Variants in GCFC2 observed in about 807,000 individuals in gnomAD.
GCFC2 encodes the protein intron Large complex component GCFC2.
GCFC2 carries 102 observed loss-of-function variants against 99.4 expected under a neutral mutation model. That is an observed-to-expected ratio of 1.03 (90% CI 0.87 to 1.21). The LOEUF is 1.21. GCFC2 is among the 50% of genes most tolerant of loss of function. The pLI is 0.00. For missense variants in GCFC2, 973 were observed against 920.9 expected (o/e 1.06, Z -0.73); for synonymous variants, 338 against 316.8 (o/e 1.07, Z -0.71).
rs146928795 is a variant in GCFC2, at chr2:75,702,193, C to A, written c.619+6G>T. ...TCCTAATCTTCATATATTGGTAAATCCATACTTGATTCCTCAGCCATCCTT... is the reference window on the plus strand; with the variant it reads ...TCCTAATCTTCATATATTGGTAAATACATACTTGATTCCTCAGCCATCCTT... On this transcript the variant is annotated splice_donor_region_variant and intron_variant, in intron 3 of 16. Coordinates refer to ENST00000321027, the MANE Select transcript of GCFC2 (RefSeq NM_003203.5). The A allele has an allele frequency of 2.2e-5, 35 of 1,599,472 alleles. No homozygotes were observed. The East Asian group carries it at 6.5e-4, about 30-fold the overall frequency.
At chr2:75,684,427 C>T (rs1679724726) in intron 11 of GCFC2, among the ~76,000 whole-genome samples, 1 of 152,158 alleles carries the variant, frequency 6.6e-6, no homozygotes, top group South Asian at 2.1e-4. Flanking sequence ...TTCTTTGAAA[C>T]CATGAGAACA....
At chr2:75,706,976 T>C (rs1680900611) in intron 1 of GCFC2, among the ~76,000 whole-genome samples, 1 of 152,054 alleles carries the variant, frequency 6.6e-6, no homozygotes. Context: ...TGTGAATAAG[T>C]AGAAAAGAAA....
At position 75,710,856 on chromosome 2, in the gene GCFC2, G is replaced by A. The variant is rs774634087; in HGVS notation, c.-1C>T. The A allele has an allele frequency of 1.9e-6, 3 of 1,548,892 alleles. No individual in the cohort carries two copies. The highest frequency in any genetic ancestry group is 1.4e-5 in the African/African-American group (1 of 70,072). ...AAGTCCTTTTCGGCCTGTGAGCCATGGCCGAGGCCCGAGCGCCCGGCGCCC... is the reference window on the plus strand; with the variant it reads ...AAGTCCTTTTCGGCCTGTGAGCCATAGCCGAGGCCCGAGCGCCCGGCGCCC... On this transcript the variant is annotated 5_prime_UTR_variant, in exon 1 of 17. Coordinates refer to ENST00000321027, the MANE Select transcript of GCFC2 (RefSeq NM_003203.5).
At chr2:75,687,279 A>C (rs1558740717) in intron 11 of GCFC2, among the ~76,000 whole-genome samples, 1 of 152,066 alleles carries the variant, frequency 6.6e-6, no homozygotes, top group Non-Finnish European at 1.5e-5. Flanking sequence ...ACAATTAGAG[A>C]AGTTAAGGGG....
At chr2:75,681,709 T>C (rs549257587) in intron 11 of GCFC2, among the ~76,000 whole-genome samples, 1 of 151,870 alleles carries the variant, frequency 6.6e-6, no homozygotes, top group South Asian at 2.1e-4. Flanking sequence ...AAATTCTCAC[T>C]GCCAGCACAG....
intron 12 of GCFC2, chr2:75,679,969 A>G: frequency 2.1e-6 from 1 of 471,944 alleles, no homozygotes; most frequent in Non-Finnish European, 3.7e-6. Flanking sequence ...CTTTCATCTT[A>G]TTATTATAAA....
intron 10 of GCFC2, among the ~76,000 whole-genome samples, chr2:75,688,350 TCAAG>T (rs1455059145): frequency 6.6e-6 from 1 of 152,226 alleles, no homozygotes; most frequent in East Asian, 1.9e-4. Context: ...TTCATCCACT[TCAAG>T]CAAAGTTTAT....
intron 14 of GCFC2, among the ~76,000 whole-genome samples, chr2:75,671,447 T>C (rs548192555): frequency 9.2e-5 from 14 of 152,330 alleles, no homozygotes; most frequent in South Asian, 8.3e-4. Flanking sequence ...ATGTACAAAA[T>C]AGATCTTATC....
Position 75,706,641 on chromosome 2 carries a change from G to T in GCFC2, c.276C>A (p.Thr92=). 1 of 1,573,430 alleles carries T rather than the reference G, an allele frequency of 6.4e-7. No individual in the cohort carries two copies. Among genetic ancestry groups the T allele is most frequent in the Non-Finnish European group, 8.7e-7 (1 of 1,153,798 alleles). The change falls in exon 2 of 17, where the codon ACC becomes ACA. Residue 92 remains threonine (T), a synonymous_variant. Coordinates refer to ENST00000321027, the MANE Select transcript of GCFC2 (RefSeq NM_003203.5). ...PRADEGSESR[T]LDVSTDEEDK... ...CCTCTTCATCTGTGGACACATCAAGGGTTCTGGATTCTAACAGGACATTTT... is the reference window on the plus strand; with the variant it reads ...CCTCTTCATCTGTGGACACATCAAGTGTTCTGGATTCTAACAGGACATTTT...
intron 12 of GCFC2, among the ~76,000 whole-genome samples, chr2:75,678,354 G>C (rs562293941): frequency 6.6e-6 from 1 of 152,192 alleles, no homozygotes; most frequent in South Asian, 2.1e-4. Flanking sequence ...AATACAAACA[G>C]CATCTCTCTG....
chr2:75,670,161 C>T lies in GCFC2; in HGVS notation c.2080G>A (p.Asp694Asn). 1 of 1,609,294 alleles carries T rather than the reference C, an allele frequency of 6.2e-7. No homozygotes were observed. The highest frequency in any genetic ancestry group is 8.5e-7 in the Non-Finnish European group (1 of 1,175,878). Residue 694 changes from aspartate (D) to asparagine (N), a missense_variant, in exon 15 of 17, where the codon GAT (aspartate) becomes AAT (asparagine). Transcript: ENST00000321027. Reference protein sequence around the residue: ...IALLNATPGPDVVKKCNQVAA... With the variant: ...IALLNATPGPNVVKKCNQVAA... ...ACCTGGTTGCACTTTTTAACCACAT[C>T]TGGCCCAGGTGTGGCATTGAGAAGT...
upstream of GCFC2, among the ~76,000 whole-genome samples, chr2:75,711,870 C>T (rs1681201432): frequency 6.6e-6 from 1 of 152,266 alleles, no homozygotes; most frequent in South Asian, 2.1e-4. Flanking sequence ...ACTCCATGGG[C>T]TCCTGTGCTG....
intron 15 of GCFC2, among the ~76,000 whole-genome samples, chr2:75,668,240 C>A (rs556565142): frequency 6.6e-6 from 1 of 152,280 alleles, no homozygotes; most frequent in East Asian, 1.9e-4. Flanking sequence ...TTTACAGACC[C>A]CAGACGGTAG....
In GCFC2 at chr2:75,710,663, G is replaced by A. The variant is rs540676907; in HGVS notation, c.193C>T (p.Arg65Cys). 9.2e-6 allele frequency: 14 copies of A among 1,519,312 alleles called. No homozygotes were observed. The highest frequency in any genetic ancestry group is 2.0e-5 in the Admixed American group (1 of 49,838). The allele number at this position is 1,519,312 out of a possible 1,614,324, so 94.1% of individuals were successfully genotyped here. Reference protein sequence around the residue: ...AGLPHRVRGPRGRGRVWASSR... With the variant: ...AGLPHRVRGPCGRGRVWASSR... ...CTCGCCCAGACCCGGCCCCGGCCAC[G>A]AGGGCCCCGAACCCGGTGGGGCAGT... is the stretch of plus-strand genomic sequence containing the variant. The change falls in exon 1 of 17, where the codon CGT (arginine) becomes TGT (cysteine). Residue 65 changes from arginine to cysteine, a missense_variant. By Grantham distance (180) the Arg-to-Cys change is radical (BLOSUM62 -3). Coordinates refer to ENST00000321027, the MANE Select transcript of GCFC2 (RefSeq NM_003203.5).
chr2:75,696,268 C>G lies in GCFC2; in HGVS notation c.765G>C (p.Lys255Asn). The G allele has an allele frequency of 6.5e-7, 1 of 1,526,750 alleles. No individual in the cohort carries two copies. Among genetic ancestry groups the G allele is most frequent in the Non-Finnish European group, 9.1e-7 (1 of 1,101,872 alleles). The allele number at this position is 1,526,750 out of a possible 1,614,324, so 94.6% of individuals were successfully genotyped here. The change falls in exon 5 of 17, where the codon AAG becomes AAC. Residue 255 changes from lysine to asparagine, a missense_variant. Coordinates refer to ENST00000321027, the MANE Select transcript of GCFC2 (RefSeq NM_003203.5). ...LSCGNGSSKV[K>N]KFDTSISFPP... ...GAAATGAAATGGAAGTATCAAATTT[C>G]TTCACTTTTGAAGATCCATTGCCAC...
In GCFC2 at chr2:75,700,315, TCATAATATAG is replaced by T. The variant is rs1303415545; in HGVS notation, c.717+865_717+874del. ...TATGCAGAAATGTAACAGTTACATA[TCATAATATAG>T]GTATAACATATTTGTGTATAATATT... On this transcript the variant is annotated intron_variant, in intron 4 of 16. Transcript: ENST00000321027. Among the ~76,000 whole-genome samples, 5 of 152,182 alleles carry T rather than the reference TCATAATATAG, an allele frequency of 3.3e-5. No homozygotes were observed. In the East Asian group the frequency reaches 9.6e-4, roughly 29 times the overall value.
chr2:75,691,391 A>G (rs1680062089), intron 7 of GCFC2, among the ~76,000 whole-genome samples: 1 of 152,136 alleles, frequency 6.6e-6, no homozygotes, highest in South Asian at 2.1e-4. Flanking sequence ...ACTGTATTCT[A>G]TTCATATTAT....
chr2:75,693,426 C>CGAGACTCTGTCCCCCTCA (rs1370272104), intron 6 of GCFC2, among the ~76,000 whole-genome samples: 2 of 151,804 alleles, frequency 1.3e-5, no homozygotes, highest in East Asian at 3.9e-4. Flanking sequence ...GGTGACAGAG[C>CGAGACTCTGTCCCCCTCA]GAGACTCTGT....
chr2:75,674,642 A>G (rs758240281), intron 12 of GCFC2, among the ~76,000 whole-genome samples: 1 of 152,056 alleles, frequency 6.6e-6, no homozygotes. Context: ...TATTTGAAAA[A>G]TAAAAATGGC....
Sources: allele counts gnomAD v4.1 joint callset (sites outside exome capture counted in the v4.1 genomes callset), GRCh38; gene constraint gnomAD v4.1.1; transcripts MANE v1.5; gene names NCBI Gene and HGNC (gene_info 2026-07-23, HGNC 2026-07-21).